SPMIP8: variants seen among roughly 807,000 people sequenced by gnomAD.
SPMIP8 encodes the protein testicular tissue protein Li 196.
At chr16:57,985,162 G>GGC in the SPMIP8 span, 1 of 45,926 alleles carries the variant, frequency 2.2e-5, no homozygotes, top group East Asian at 1.3e-4. Flanking sequence ...GGCTTGTCCT[G>GGC]GGGGGGGGCG....
chr16:57,987,169 A>T, the SPMIP8 span: 3 of 426,016 alleles, frequency 7.0e-6, no homozygotes, highest in South Asian at 2.2e-4. Context: ...AGCTGTTCAT[A>T]GTTAGGTATC....
the SPMIP8 span, among the ~76,000 whole-genome samples, chr16:57,981,286 A>T: frequency 6.9e-6 from 1 of 145,368 alleles, no homozygotes; most frequent in African/African-American, 2.5e-5. Flanking sequence ...AGACTGAGAC[A>T]GGAGAATTGC....
At chr16:57,983,079 C>T in the SPMIP8 span, among the ~76,000 whole-genome samples, 4 of 152,172 alleles carry the variant, frequency 2.6e-5, no homozygotes, top group African/African-American at 9.7e-5. Context: ...ATATACCCAT[C>T]TGCACCTTGG....
At chr16:57,984,436 T>C in the SPMIP8 span, 5 of 1,586,294 alleles carry the variant, frequency 3.2e-6, no homozygotes, top group African/African-American at 6.7e-5. Context: ...TCCTGGGATC[T>C]ACACCCCGCG....
the SPMIP8 span, among the ~76,000 whole-genome samples, chr16:57,979,375 G>A: frequency 1.6e-3 from 245 of 152,266 alleles, 1 homozygote; most frequent in African/African-American, 5.6e-3. Context: ...CACTCCACAG[G>A]GAAAAGGGGC....
chr16:57,978,160 T>C, the SPMIP8 span: 1 of 1,171,436 alleles, frequency 8.5e-7, no homozygotes, highest in Non-Finnish European at 1.2e-6. Flanking sequence ...CCAGGACACT[T>C]TGGCCAGGTC....
At chr16:57,985,164 G>GT in the SPMIP8 span, 2 of 1,464,602 alleles carry the variant, frequency 1.4e-6, no homozygotes, top group East Asian at 2.5e-5. Context: ...CTTGTCCTGG[G>GT]GGGGGGCGGA....
the SPMIP8 span, among the ~76,000 whole-genome samples, chr16:57,981,264 C>T: frequency 6.6e-6 from 1 of 150,834 alleles, no homozygotes; most frequent in South Asian, 2.1e-4. Flanking sequence ...GCTTGTAATC[C>T]CAGCTACTGG....
the SPMIP8 span, among the ~76,000 whole-genome samples, chr16:57,979,989 G>T: frequency 6.6e-6 from 1 of 152,158 alleles, no homozygotes; most frequent in African/African-American, 2.4e-5. Flanking sequence ...ACCTGAACCC[G>T]GGAGGCGGAG....
chr16:57,983,380 G>T, the SPMIP8 span, among the ~76,000 whole-genome samples: 1 of 151,868 alleles, frequency 6.6e-6, no homozygotes, highest in African/African-American at 2.4e-5. Context: ...TTTTCCATTT[G>T]TTTTTTGACA....
At chr16:57,986,083 G>A in the SPMIP8 span, 5 of 1,044,512 alleles carry the variant, frequency 4.8e-6, no homozygotes, top group Non-Finnish European at 6.7e-6. Context: ...GGGAGGGCGC[G>A]AGCTGCTTCG....
At chr16:57,983,801 T>C in the SPMIP8 span, among the ~76,000 whole-genome samples, 2 of 152,166 alleles carry the variant, frequency 1.3e-5, no homozygotes, top group African/African-American at 2.4e-5. Context: ...TTGGTAGAGA[T>C]AGGGTTTCAC....
At chr16:57,976,688 C>T in the SPMIP8 span, 1 of 1,598,620 alleles carries the variant, frequency 6.3e-7, no homozygotes, top group Non-Finnish European at 8.5e-7. Flanking sequence ...TGATCCCCCT[C>T]CCTGTCCCTC....
chr16:57,985,464 C>A, the SPMIP8 span: 22 of 1,613,784 alleles, frequency 1.4e-5, no homozygotes, highest in African/African-American at 2.8e-4. Flanking sequence ...GCGCCCCTAT[C>A]CCTGCTGCCC....
At chr16:57,982,923 G>A in the SPMIP8 span, among the ~76,000 whole-genome samples, 1 of 152,070 alleles carries the variant, frequency 6.6e-6, no homozygotes, top group Non-Finnish European at 1.5e-5. Context: ...CCAGCTACTC[G>A]GGAGGCTGAG....
At chr16:57,987,623 C>A in the SPMIP8 span, 1 of 528,786 alleles carries the variant, frequency 1.9e-6, no homozygotes, top group Non-Finnish European at 3.0e-6. Context: ...GGGTCAGGGC[C>A]ACAGGATGAC....
chr16:57,978,187 G>A, the SPMIP8 span: 6 of 851,600 alleles, frequency 7.0e-6, no homozygotes, highest in African/African-American at 1.7e-5. Context: ...TCTGTTTACT[G>A]CTCAGTACAA....
At chr16:57,979,239 G>T in the SPMIP8 span, among the ~76,000 whole-genome samples, 19,435 of 152,214 alleles carry the variant, frequency 0.13, 1,318 homozygotes, top group East Asian at 0.19. Flanking sequence ...CCATACCTAG[G>T]CTCCAGCTTG....
chr16:57,977,870 T>A, the SPMIP8 span: 1 of 1,614,024 alleles, frequency 6.2e-7, no homozygotes, highest in East Asian at 2.2e-5. Flanking sequence ...CACATGTGTA[T>A]GCCTCCCCGG....
Sources: allele counts gnomAD v4.1 joint callset (sites outside exome capture counted in the v4.1 genomes callset), GRCh38; gene constraint gnomAD v4.1.1; transcripts MANE v1.5; gene names NCBI Gene and HGNC (gene_info 2026-07-23, HGNC 2026-07-21).